C7orf78: variants seen among roughly 807,000 people sequenced by gnomAD.
C7orf78 encodes putative uncharacterized protein C7orf78.
chr7:12,541,474 T>C, the C7orf78 span: 40 of 152,132 alleles, frequency 2.6e-4, no homozygotes, highest in Non-Finnish European at 4.9e-4. Context: ...GCAACCAGAA[T>C]TGAAGTCACT....
At chr7:12,498,272 G>A in the C7orf78 span, among the ~76,000 whole-genome samples, 3 of 151,946 alleles carry the variant, frequency 2.0e-5, no homozygotes, top group African/African-American at 4.8e-5. Context: ...GGCTTCGGAC[G>A]ATCAAATTAC....
chr7:12,499,691 G>A, the C7orf78 span, among the ~76,000 whole-genome samples: 1 of 151,814 alleles, frequency 6.6e-6, no homozygotes, highest in East Asian at 1.9e-4. Context: ...AGTCAACAAG[G>A]ATACCCAGGA....
chr7:12,498,643 G>A, the C7orf78 span, among the ~76,000 whole-genome samples: 3 of 152,118 alleles, frequency 2.0e-5, no homozygotes, highest in Non-Finnish European at 2.9e-5. Flanking sequence ...GAATGGAACC[G>A]AGTTGGAAAA....
the C7orf78 span, among the ~76,000 whole-genome samples, chr7:12,540,706 T>C: frequency 2.0e-5 from 3 of 152,204 alleles, no homozygotes; most frequent in East Asian, 1.9e-4. Flanking sequence ...TTCCACATCA[T>C]AGTTGTAGTC....
At chr7:12,530,591 T>G in the C7orf78 span, 2 of 152,506 alleles carry the variant, frequency 1.3e-5, no homozygotes, top group Admixed American at 6.5e-5. Context: ...GCCTGAACTT[T>G]TTTTTCAGGT....
chr7:12,517,993 T>A, the C7orf78 span, among the ~76,000 whole-genome samples: 1 of 152,228 alleles, frequency 6.6e-6, no homozygotes, highest in South Asian at 2.1e-4. Context: ...TATGCATCTA[T>A]GTCTTCTTTG....
the C7orf78 span, among the ~76,000 whole-genome samples, chr7:12,527,878 G>C: frequency 2.1e-5 from 3 of 145,566 alleles, no homozygotes; most frequent in African/African-American, 7.8e-5. Context: ...AATTGAAATG[G>C]AACATATCAG....
the C7orf78 span, among the ~76,000 whole-genome samples, chr7:12,525,526 T>G: frequency 1.3e-5 from 2 of 152,136 alleles, no homozygotes; most frequent in African/African-American, 2.4e-5. Flanking sequence ...AAATTTTGAA[T>G]AGACTCCCTT....
chr7:12,531,188 A>G, the C7orf78 span: 2 of 395,942 alleles, frequency 5.1e-6, no homozygotes, highest in Admixed American at 8.8e-5. Flanking sequence ...ATTTTATCAT[A>G]TAAGTGCTCT....
the C7orf78 span, chr7:12,496,351 A>G: frequency 6.6e-6 from 1 of 152,264 alleles, no homozygotes; most frequent in South Asian, 2.1e-4. Context: ...TGGCCACAAA[A>G]TAATGTTTAC....
the C7orf78 span, among the ~76,000 whole-genome samples, chr7:12,532,327 A>G: frequency 2.0e-5 from 3 of 152,120 alleles, no homozygotes; most frequent in African/African-American, 4.8e-5. Context: ...AGGTGGGTGA[A>G]TCACGAGGTC....
chr7:12,493,358 G>A, the C7orf78 span, among the ~76,000 whole-genome samples: 1 of 152,178 alleles, frequency 6.6e-6, no homozygotes, highest in South Asian at 2.1e-4. Context: ...TTTGCTAACA[G>A]ATAAAATAAA....
chr7:12,502,484 G>T, the C7orf78 span, among the ~76,000 whole-genome samples: 1 of 151,702 alleles, frequency 6.6e-6, no homozygotes, highest in Admixed American at 6.6e-5. Context: ...ATGAAAAAAT[G>T]CTCACCGTCA....
the C7orf78 span, among the ~76,000 whole-genome samples, chr7:12,499,332 GCA>G: frequency 0.018 from 2,798 of 152,188 alleles, 80 homozygotes; most frequent in African/African-American, 0.064. Flanking sequence ...GCTGTATTCA[GCA>G]CACTCACGTG....
chr7:12,538,682 C>T, the C7orf78 span, among the ~76,000 whole-genome samples: 14 of 152,262 alleles, frequency 9.2e-5, no homozygotes, highest in African/African-American at 3.4e-4. Context: ...GGTGGGATTA[C>T]TCACAAGATG....
the C7orf78 span, among the ~76,000 whole-genome samples, chr7:12,532,586 C>A: frequency 6.6e-6 from 1 of 151,494 alleles, no homozygotes; most frequent in Non-Finnish European, 1.5e-5. Flanking sequence ...CTTACTGAAG[C>A]CTCCCATACC....
At chr7:12,487,380 T>C in the C7orf78 span, among the ~76,000 whole-genome samples, 1 of 152,084 alleles carries the variant, frequency 6.6e-6, no homozygotes, top group Non-Finnish European at 1.5e-5. Flanking sequence ...AAGACTACAC[T>C]GATCCTTTAG....
the C7orf78 span, chr7:12,541,797 C>A: frequency 3.3e-5 from 5 of 152,186 alleles, no homozygotes; most frequent in South Asian, 1.0e-3. Flanking sequence ...TTTGAATCTT[C>A]ATTTTTCAGT....
chr7:12,539,897 T>C, the C7orf78 span, among the ~76,000 whole-genome samples: 1 of 152,210 alleles, frequency 6.6e-6, no homozygotes, highest in African/African-American at 2.4e-5. Context: ...TGTTAGGATG[T>C]CATGATCTGG....
Sources: gnomAD v4.1 joint callset for allele counts (sites outside exome capture counted in the v4.1 genomes callset) on GRCh38, gnomAD v4.1.1 for gene constraint, MANE v1.5 for transcripts, NCBI Gene and HGNC (gene_info 2026-07-23, HGNC 2026-07-21) for gene names.